Variants in KCNMB2 observed in about 807,000 individuals in gnomAD.
KCNMB2 encodes the protein potassium calcium-activated channel subfamily M regulatory beta subunit 2.
KCNMB2 carries 9 observed loss-of-function variants against 24.5 expected under a neutral mutation model. That is an observed-to-expected ratio of 0.37 (90% confidence interval 0.22 to 0.64). The LOEUF is 0.64. KCNMB2 is among the 30% of genes least tolerant of loss of function. The pLI, the probability that KCNMB2 is intolerant of heterozygous loss-of-function variation, is 0.63. For synonymous variants in KCNMB2, 109 were observed against 104.4 expected, an observed-to-expected ratio of 1.04 and a Z score of -0.27; for missense variants, 226 against 284.3, an observed-to-expected ratio of 0.79 and a Z score of 1.47.
intron 1 of KCNMB2, among the ~76,000 whole-genome samples, chr3:178,611,576 G>T (rs187280698): frequency 6.6e-6 from 1 of 152,142 alleles, no homozygotes; most frequent in East Asian, 1.9e-4. Context: ...GTGGTGGCAG[G>T]TGCCTGTAGT....
intron 1 of KCNMB2, chr3:178,757,274 A>T (rs555623972): frequency 7.2e-6 from 1 of 138,022 alleles, no homozygotes; most frequent in South Asian, 2.3e-4. Flanking sequence ...GTGTGTGTGT[A>T]TACATATATC....
chr3:178,815,378 C>T (rs7626641), intron 2 of KCNMB2, among the ~76,000 whole-genome samples: 56,786 of 151,924 alleles, frequency 0.37, 11,258 homozygotes, highest in Non-Finnish European at 0.44. Context: ...CCCACCTCAG[C>T]CTCCCAAAGT....
At chr3:178,687,632 T>C (rs368891236) in intron 1 of KCNMB2, among the ~76,000 whole-genome samples, 10 of 152,258 alleles carry the variant, frequency 6.6e-5, no homozygotes, top group African/African-American at 2.2e-4. Flanking sequence ...CTTTGTAAAA[T>C]AAAGTTTGAA....
At chr3:178,762,404 C>T (rs1560011472) in intron 1 of KCNMB2, among the ~76,000 whole-genome samples, 2 of 152,100 alleles carry the variant, frequency 1.3e-5, no homozygotes, top group African/African-American at 2.4e-5. Flanking sequence ...GTGGCTATAT[C>T]CCAGTAAGAA....
intron 1 of KCNMB2, among the ~76,000 whole-genome samples, chr3:178,670,030 G>A (rs1720847430): frequency 6.6e-6 from 1 of 152,060 alleles, no homozygotes; most frequent in African/African-American, 2.4e-5. Context: ...TGATTGATTT[G>A]CGAGAAAGGA....
chr3:178,781,928 T>C (rs1191235414), intron 1 of KCNMB2, among the ~76,000 whole-genome samples: 1 of 133,156 alleles, frequency 7.5e-6, no homozygotes, highest in African/African-American at 2.9e-5. Context: ...CTCCCAGTGC[T>C]ATCCCTCCCC....
chr3:178,812,011 A>C (rs1382120482), intron 2 of KCNMB2, among the ~76,000 whole-genome samples: 2 of 152,136 alleles, frequency 1.3e-5, no homozygotes, highest in Non-Finnish European at 2.9e-5. Flanking sequence ...ATTTGCAATT[A>C]TTTCATTAGA....
chr3:178,803,136 A>G (rs1281294689), intron 1 of KCNMB2, among the ~76,000 whole-genome samples: 1 of 152,184 alleles, frequency 6.6e-6, no homozygotes, highest in Non-Finnish European at 1.5e-5. Context: ...CCATTTTTAC[A>G]GCTGAGGAAA....
intron 1 of KCNMB2, among the ~76,000 whole-genome samples, chr3:178,657,160 C>T (rs891892189): frequency 6.6e-6 from 1 of 152,210 alleles, no homozygotes; most frequent in East Asian, 1.9e-4. Context: ...AAACCTCAAT[C>T]TGACTCCAGA....
chr3:178,832,978 G>C (rs142732413), intron 4 of KCNMB2, among the ~76,000 whole-genome samples: 1,686 of 47,056 alleles, frequency 0.036, 756 homozygotes, highest in African/African-American at 0.3. Flanking sequence ...TTAGGTTTCT[G>C]ATATTATATT....
At chr3:178,786,643 C>T (rs531822372) in intron 1 of KCNMB2, among the ~76,000 whole-genome samples, 6 of 152,112 alleles carry the variant, frequency 3.9e-5, no homozygotes, top group East Asian at 1.9e-4. Flanking sequence ...TATTCATTTA[C>T]GAGTTAATGG....
At chr3:178,765,991 G>A (rs938848791) in intron 1 of KCNMB2, among the ~76,000 whole-genome samples, 9 of 151,804 alleles carry the variant, frequency 5.9e-5, no homozygotes, top group African/African-American at 1.7e-4. Context: ...CTTAATCTAA[G>A]ACCTTCTTTC....
intron 1 of KCNMB2, among the ~76,000 whole-genome samples, chr3:178,786,628 C>T (rs2108436612): frequency 6.6e-6 from 1 of 152,148 alleles, no homozygotes; most frequent in Non-Finnish European, 1.5e-5. Context: ...ATGAGCATTA[C>T]CGAATATTCA....
chr3:178,610,244 C>T (rs1035163655), intron 1 of KCNMB2, among the ~76,000 whole-genome samples: 8 of 152,160 alleles, frequency 5.3e-5, no homozygotes, highest in African/African-American at 1.9e-4. Flanking sequence ...ATAGCTTTGG[C>T]TATTCTGGAT....
chr3:178,754,148 T>C (rs1351466010), intron 1 of KCNMB2, among the ~76,000 whole-genome samples: 1 of 85,178 alleles, frequency 1.2e-5, no homozygotes, highest in Non-Finnish European at 2.3e-5. Flanking sequence ...TAATATTCCA[T>C]TGTATATATA....
At chr3:178,554,087 G>C (rs769252955) in intron 1 of KCNMB2, among the ~76,000 whole-genome samples, 2 of 151,988 alleles carry the variant, frequency 1.3e-5, no homozygotes, top group African/African-American at 2.4e-5. Context: ...ATAAAGCTAT[G>C]AGGTAGGTTT....
intron 1 of KCNMB2, among the ~76,000 whole-genome samples, chr3:178,804,920 A>G (rs1305074962): frequency 1.3e-5 from 2 of 152,232 alleles, no homozygotes; most frequent in Non-Finnish European, 2.9e-5. Context: ...TTAGATGAAA[A>G]GTATTCTTAT....
intron 1 of KCNMB2, among the ~76,000 whole-genome samples, chr3:178,707,934 C>T (rs776494493): frequency 5.3e-5 from 8 of 152,120 alleles, no homozygotes; most frequent in South Asian, 2.1e-4. Context: ...TTTAACCAAT[C>T]GAATAATTTA....
intron 1 of KCNMB2, among the ~76,000 whole-genome samples, chr3:178,631,420 G>A (rs986007590): frequency 2.6e-5 from 4 of 152,170 alleles, no homozygotes; most frequent in Non-Finnish European, 5.9e-5. Context: ...ATTAATAAAA[G>A]GACATGAATG....
Sources: gnomAD v4.1 joint callset for allele counts (sites outside exome capture counted in the v4.1 genomes callset) on GRCh38, gnomAD v4.1.1 for gene constraint, MANE v1.5 for transcripts, NCBI Gene and HGNC (gene_info 2026-07-23, HGNC 2026-07-21) for gene names.